KLRG1: variants seen among roughly 807,000 people sequenced by gnomAD.
KLRG1 encodes the protein killer cell lectin-like receptor subfamily G member 1.
A neutral mutation model predicts 21.8 loss-of-function variants in KLRG1; 16 were observed. That is an observed-to-expected ratio of 0.73 (90% CI 0.50 to 1.11). The LOEUF (loss-of-function observed/expected upper bound fraction) is 1.11, where lower values mean the gene tolerates loss of function less well. KLRG1 is among the 50% of genes most tolerant of loss of function. KLRG1 has a pLI of 0.00. For missense variants in KLRG1, 173 were observed against 218.3 expected (o/e 0.79, Z 1.31); for synonymous variants, 69 against 75.9 (o/e 0.91, Z 0.47).
the KLRG1 span, chr12:9,069,099 C>A: frequency 3.5e-6 from 1 of 289,514 alleles, no homozygotes; most frequent in East Asian, 5.9e-5. Flanking sequence ...ATGATATATA[C>A]TTTTTATTGG....
chr12:9,170,960 G>T, the KLRG1 span, among the ~76,000 whole-genome samples: 2 of 152,134 alleles, frequency 1.3e-5, no homozygotes, highest in Non-Finnish European at 2.9e-5. This position sits in a 1 kb window ranked among gnomAD's most constrained non-coding sequence, Gnocchi z 4.6. Flanking sequence ...GGTGAGGAAG[G>T]ATCCCACCCA....
the KLRG1 span, among the ~76,000 whole-genome samples, chr12:9,113,000 G>C: frequency 6.6e-6 from 1 of 152,104 alleles, no homozygotes; most frequent in Non-Finnish European, 1.5e-5. Context: ...AAGTAGTGTG[G>C]AGTGATGTGT....
At chr12:9,143,849 T>C in the KLRG1 span, among the ~76,000 whole-genome samples, 1 of 152,196 alleles carries the variant, frequency 6.6e-6, no homozygotes, top group Non-Finnish European at 1.5e-5. Context: ...TTTGGATTGT[T>C]GAGCACCTAT....
the KLRG1 span, chr12:9,098,511 A>G: frequency 7.3e-7 from 1 of 1,368,238 alleles, no homozygotes; most frequent in Non-Finnish European, 9.7e-7. Context: ...GATAAATATA[A>G]TTTTAATTGA....
At chr12:9,071,431 A>AAAAAAT in the KLRG1 span, among the ~76,000 whole-genome samples, 1 of 151,412 alleles carries the variant, frequency 6.6e-6, no homozygotes, top group African/African-American at 2.4e-5. Flanking sequence ...AAATGAAAAA[A>AAAAAAT]ATATATATAT....
chr12:8,997,192 G>A (rs1947157829), intron 3 of KLRG1, among the ~76,000 whole-genome samples: 1 of 152,134 alleles, frequency 6.6e-6, no homozygotes, highest in African/African-American at 2.4e-5. Flanking sequence ...TCCAAATTGA[G>A]TTTATTTTCT....
chr12:9,153,147 C>A, the KLRG1 span: 1 of 1,614,118 alleles, frequency 6.2e-7, no homozygotes, highest in Non-Finnish European at 8.5e-7. Flanking sequence ...ACATCTTTCC[C>A]CAGTTACTGT....
chr12:9,199,770 C>T, the KLRG1 span, among the ~76,000 whole-genome samples: 1 of 151,944 alleles, frequency 6.6e-6, no homozygotes, highest in Non-Finnish European at 1.5e-5. Flanking sequence ...ACAAAAAGAA[C>T]CTGGCAAATT....
chr12:9,210,029 G>T, the KLRG1 span, among the ~76,000 whole-genome samples: 1 of 152,016 alleles, frequency 6.6e-6, no homozygotes, highest in South Asian at 2.1e-4. Context: ...TACAAATACG[G>T]TATGTCTACT....
At chr12:8,975,282 A>G (rs112603153) in intron 1 of KLRG1, among the ~76,000 whole-genome samples, 121 of 152,218 alleles carry the variant, frequency 7.9e-4, no homozygotes, top group African/African-American at 2.7e-3. Flanking sequence ...CCATGGAACC[A>G]TCTAGTCCTG....
the KLRG1 span, among the ~76,000 whole-genome samples, chr12:9,082,649 T>A: frequency 1.3e-5 from 2 of 152,130 alleles, no homozygotes; most frequent in African/African-American, 2.4e-5. Flanking sequence ...TTATGAAGAA[T>A]CAAGGAATGA....
chr12:9,074,591 T>C, the KLRG1 span: 1 of 1,613,268 alleles, frequency 6.2e-7, no homozygotes, highest in Admixed American at 1.7e-5. Context: ...CTGGGCATTC[T>C]GCTGCTTCGT....
At chr12:9,052,923 T>G in the KLRG1 span, 1 of 419,246 alleles carries the variant, frequency 2.4e-6, no homozygotes, top group Non-Finnish European at 4.6e-6. Context: ...CTTCTATCTC[T>G]TTTGTGCTTC....
chr12:9,077,086 TC>T, the KLRG1 span: 1 of 733,140 alleles, frequency 1.4e-6, no homozygotes, highest in Non-Finnish European at 2.1e-6. Flanking sequence ...ATTATTTTTA[TC>T]TGTTATTCTC....
At chr12:9,123,310 G>T in the KLRG1 span, among the ~76,000 whole-genome samples, 1 of 152,112 alleles carries the variant, frequency 6.6e-6, no homozygotes, top group African/African-American at 2.4e-5. Context: ...ATTAGGCTTA[G>T]TAAGAGATTA....
the KLRG1 span, chr12:9,208,240 G>T: frequency 6.3e-7 from 1 of 1,596,876 alleles, no homozygotes; most frequent in Non-Finnish European, 8.6e-7. Context: ...TGGAGGAAGG[G>T]GTCTTGAGTG....
At chr12:9,055,801 C>T in the KLRG1 span, 6 of 152,570 alleles carry the variant, frequency 3.9e-5, no homozygotes, top group African/African-American at 1.4e-4. Context: ...GAATTTAATT[C>T]TAATTGGATA....
chr12:8,955,375 ATTTTTTTTTTTT>A (rs61263683), intron 1 of KLRG1, among the ~76,000 whole-genome samples: 6 of 71,334 alleles, frequency 8.4e-5, no homozygotes, highest in Admixed American at 1.7e-4. Context: ...TATTGCTCTG[ATTTTTTTTTTTT>A]TTTTTTTTTT....
the KLRG1 span, chr12:9,064,909 T>TG: frequency 6.6e-6 from 1 of 152,282 alleles, no homozygotes; most frequent in Non-Finnish European, 1.5e-5. This position sits in a 1 kb window ranked among gnomAD's most constrained non-coding sequence, Gnocchi z 4.0. Context: ...TAGGGCCGCC[T>TG]GGGGCGCGTC....
Sources: gnomAD v4.1 joint callset for allele counts (sites outside exome capture counted in the v4.1 genomes callset) on GRCh38, gnomAD v4.1.1 for gene constraint, Gnocchi (gnomAD v3.1) non-coding constraint, MANE v1.5 for transcripts, NCBI Gene and HGNC (gene_info 2026-07-23, HGNC 2026-07-21) for gene names.